FARS2: variants seen among roughly 807,000 people sequenced by gnomAD.
The protein encoded by FARS2 is phenylalanine--tRNA ligase, mitochondrial.
FARS2 carries 40 observed loss-of-function variants against 46.4 expected under a neutral mutation model. The observed-to-expected ratio is 0.86, with a 90% CI of 0.67 to 1.12. The LOEUF (loss-of-function observed/expected upper bound fraction) is 1.12, where lower values mean the gene tolerates loss of function less well. Ranked by LOEUF, FARS2 falls within the 50% of genes most tolerant of loss-of-function variation. The probability of loss-of-function intolerance (pLI) is 0.00; values close to 1 mark genes in which losing one functional copy is unlikely to be tolerated. For synonymous variants in FARS2, 234 were observed against 214.9 expected (o/e 1.09, Z -0.78); for missense variants, 513 against 567.9 (o/e 0.90, Z 0.98).
chr6:5,513,453 C>G (rs1450133989), intron 4 of FARS2, among the ~76,000 whole-genome samples: 1 of 152,190 alleles, frequency 6.6e-6, no homozygotes, highest in Admixed American at 6.5e-5. Context: ...CATGGGAGGC[C>G]ACCTGAAGAA....
intron 4 of FARS2, among the ~76,000 whole-genome samples, chr6:5,505,928 G>A (rs1021713864): frequency 1.3e-5 from 2 of 152,180 alleles, no homozygotes; most frequent in African/African-American, 4.8e-5. Context: ...TTTACTTGCT[G>A]TTGGCAGCCA....
At chr6:5,319,050 A>G (rs973869955) in intron 1 of FARS2, among the ~76,000 whole-genome samples, 1 of 151,994 alleles carries the variant, frequency 6.6e-6, no homozygotes, top group Non-Finnish European at 1.5e-5. Flanking sequence ...TTGGTCAGCT[A>G]TGTTAGGAGG....
chr6:5,462,510 A>G (rs1765299190), intron 4 of FARS2, among the ~76,000 whole-genome samples: 1 of 152,076 alleles, frequency 6.6e-6, no homozygotes, highest in Non-Finnish European at 1.5e-5. Flanking sequence ...GAAGTTTATT[A>G]TTTTATCTCC....
intron 1 of FARS2, among the ~76,000 whole-genome samples, chr6:5,278,783 T>A (rs1414270903): frequency 3.3e-5 from 5 of 152,166 alleles, no homozygotes; most frequent in Admixed American, 3.3e-4. Flanking sequence ...TGTGATACAC[T>A]TCAGCTCTTC....
chr6:5,590,575 T>G (rs951610939), intron 5 of FARS2, among the ~76,000 whole-genome samples: 15 of 152,222 alleles, frequency 9.9e-5, no homozygotes, highest in African/African-American at 3.6e-4. Flanking sequence ...ATAGCATCTG[T>G]TGATGTGGAT....
chr6:5,498,325 T>G (rs986563247), intron 4 of FARS2, among the ~76,000 whole-genome samples: 46 of 152,236 alleles, frequency 3.0e-4, no homozygotes, highest in African/African-American at 1.0e-3. Context: ...TTTATTCGTG[T>G]CACTAGGCTT....
intron 4 of FARS2, among the ~76,000 whole-genome samples, chr6:5,509,319 G>A (rs945746440): frequency 2.0e-5 from 3 of 152,178 alleles, no homozygotes; most frequent in South Asian, 2.1e-4. Flanking sequence ...CTGGGTTTGC[G>A]TATGCAGATA....
chr6:5,316,150 A>C (rs1380951649), intron 1 of FARS2, among the ~76,000 whole-genome samples: 1 of 152,266 alleles, frequency 6.6e-6, no homozygotes, highest in Non-Finnish European at 1.5e-5. Context: ...GAGAGGTTTT[A>C]AATGTCAAAT....
chr6:5,710,125 A>G (rs1657947728), intron 6 of FARS2, among the ~76,000 whole-genome samples: 4 of 152,132 alleles, frequency 2.6e-5, no homozygotes, highest in Admixed American at 2.0e-4. Context: ...CCTGGAGAGC[A>G]AGTAGGAAGG....
chr6:5,638,802 G>A (rs1049187027), intron 6 of FARS2, among the ~76,000 whole-genome samples: 5 of 152,288 alleles, frequency 3.3e-5, no homozygotes, highest in African/African-American at 1.2e-4. Context: ...GAGAGAATCT[G>A]ATTGGTCCAT....
chr6:5,286,444 G>A (rs952939652), intron 1 of FARS2, among the ~76,000 whole-genome samples: 1 of 152,066 alleles, frequency 6.6e-6, no homozygotes, highest in Admixed American at 6.5e-5. Flanking sequence ...TGTGTTATTT[G>A]TAGAGAGGGG....
At chr6:5,686,819 T>C (rs36180237) in intron 6 of FARS2, among the ~76,000 whole-genome samples, 73,162 of 151,944 alleles carry the variant, frequency 0.48, 17,902 homozygotes, top group African/African-American at 0.5. Flanking sequence ...GTCCCACCAA[T>C]AGTGTGAAAG....
intron 4 of FARS2, among the ~76,000 whole-genome samples, chr6:5,517,647 C>T (rs1004661518): frequency 1.3e-5 from 2 of 151,484 alleles, no homozygotes; most frequent in African/African-American, 4.9e-5. Context: ...TATATACACA[C>T]ACATACACAC....
chr6:5,310,155 C>T (rs913813644), intron 1 of FARS2, among the ~76,000 whole-genome samples: 6 of 152,002 alleles, frequency 3.9e-5, no homozygotes, highest in African/African-American at 1.2e-4. Flanking sequence ...GTAGATTTTC[C>T]AATAATTTTA....
intron 5 of FARS2, among the ~76,000 whole-genome samples, chr6:5,564,831 C>T (rs1479789560): frequency 1.3e-5 from 2 of 152,140 alleles, no homozygotes; most frequent in Non-Finnish European, 2.9e-5. Flanking sequence ...AGCTTCCAGA[C>T]CTGTTAGAAA....
At chr6:5,529,399 CT>C (rs1478172459) in intron 4 of FARS2, among the ~76,000 whole-genome samples, 2 of 152,208 alleles carry the variant, frequency 1.3e-5, no homozygotes, top group African/African-American at 4.8e-5. Flanking sequence ...CCTCCGCCTC[CT>C]GGGTTCAATC....
chr6:5,374,999 C>T (rs562614280), intron 2 of FARS2, among the ~76,000 whole-genome samples: 8 of 152,182 alleles, frequency 5.3e-5, no homozygotes, highest in South Asian at 4.2e-4. Context: ...GTGCATCATT[C>T]TAAATATTTC....
chr6:5,558,686 G>A lies in FARS2; in HGVS notation c.1065+13346G>A, dbSNP rs544464674. 8.3e-4 allele frequency among the ~76,000 whole-genome samples: 126 copies of A among 152,006 alleles called. 3 individuals are homozygous for A. The South Asian group carries it at 0.025, about 30-fold the overall frequency. On this transcript the variant is annotated intron_variant, in intron 5 of 6. Transcript: ENST00000274680. ...TGAGTAGCTGGGACTACAGGCACCC[G>A]CCACCACACCCAGCTTATTTTTTTA...
At chr6:5,534,019 A>G (rs1483496538) in intron 4 of FARS2, among the ~76,000 whole-genome samples, 1 of 152,202 alleles carries the variant, frequency 6.6e-6, no homozygotes, top group African/African-American at 2.4e-5. Context: ...CAAATCATAC[A>G]CTGTTCAGAG....
Sources: gnomAD v4.1 joint callset for allele counts (sites outside exome capture counted in the v4.1 genomes callset) on GRCh38, gnomAD v4.1.1 for gene constraint, MANE v1.5 for transcripts, NCBI Gene and HGNC (gene_info 2026-07-23, HGNC 2026-07-21) for gene names.